PPP2R5C: variants seen among roughly 807,000 people sequenced by gnomAD.
PPP2R5C encodes serine/threonine-protein phosphatase 2A 56 kDa regulatory subunit gamma isoform.
PPP2R5C carries 7 observed loss-of-function variants against 68.9 expected under a neutral mutation model. That is an observed-to-expected ratio of 0.10 (90% CI 0.06 to 0.19). PPP2R5C has a LOEUF of 0.19. PPP2R5C is among the 10% of genes least tolerant of loss of function. The probability of loss-of-function intolerance (pLI) is 1.00; values close to 1 mark genes in which losing one functional copy is unlikely to be tolerated. For missense variants in PPP2R5C, 348 were observed against 641.3 expected, an observed-to-expected ratio of 0.54 and a Z score of 4.94; for synonymous variants, 210 against 222.2, an observed-to-expected ratio of 0.95 and a Z score of 0.49.
chr14:101,818,862 G>T, intron 1 of PPP2R5C: 1 of 675,266 alleles, frequency 1.5e-6, no homozygotes, highest in Non-Finnish European at 2.5e-6. Context: ...TTTTCAGTTT[G>T]TCATCGATGT....
chr14:101,894,864 A>G (rs1238528001), intron 8 of PPP2R5C, among the ~76,000 whole-genome samples: 1 of 152,338 alleles, frequency 6.6e-6, no homozygotes, highest in East Asian at 1.9e-4. Flanking sequence ...TTAGTGTGCA[A>G]TTCAGTAGTT....
At chr14:101,856,288 C>A (rs113678856) in intron 1 of PPP2R5C, among the ~76,000 whole-genome samples, 1 of 152,218 alleles carries the variant, frequency 6.6e-6, no homozygotes, top group African/African-American at 2.4e-5. Context: ...GCAGATATCA[C>A]CTGGTGTCAA....
chr14:101,843,153 A>G (rs1309429782), intron 1 of PPP2R5C, among the ~76,000 whole-genome samples: 1 of 152,174 alleles, frequency 6.6e-6, no homozygotes, highest in Admixed American at 6.5e-5. Flanking sequence ...GCTTGAGCCC[A>G]GGAAGTTGAG....
At chr14:101,865,172 A>G (rs575218038) in intron 2 of PPP2R5C, among the ~76,000 whole-genome samples, 2 of 152,224 alleles carry the variant, frequency 1.3e-5, no homozygotes, top group African/African-American at 2.4e-5. Flanking sequence ...TGCTAACATT[A>G]TTTAGAGCTC....
intron 2 of PPP2R5C, among the ~76,000 whole-genome samples, chr14:101,868,892 ACAGTTT>A (rs1262088876): frequency 3.9e-5 from 6 of 152,070 alleles, no homozygotes; most frequent in African/African-American, 1.4e-4. Flanking sequence ...AGGATATAGA[ACAGTTT>A]CTTTTGGTTT....
At chr14:101,887,694 G>A (rs966271031) in intron 5 of PPP2R5C, among the ~76,000 whole-genome samples, 1 of 152,234 alleles carries the variant, frequency 6.6e-6, no homozygotes, top group Non-Finnish European at 1.5e-5. Flanking sequence ...TGGAACTGGT[G>A]CAGAGTGACT....
upstream of PPP2R5C, among the ~76,000 whole-genome samples, chr14:101,805,771 G>A (rs1283199147): frequency 3.3e-5 from 5 of 152,186 alleles, no homozygotes. Flanking sequence ...TGAATCTTGC[G>A]GACATTATGC....
At chr14:101,901,513 A>C (rs960143856) in intron 8 of PPP2R5C, among the ~76,000 whole-genome samples, 3 of 152,208 alleles carry the variant, frequency 2.0e-5, no homozygotes, top group Non-Finnish European at 4.4e-5. Context: ...GATTGATCAG[A>C]TAGATAACCA....
In PPP2R5C at chr14:101,881,685, G is replaced by A. The variant is rs184170417; in HGVS notation, c.295-476G>A. Among the ~76,000 whole-genome samples, 329 of 152,348 alleles carry A rather than the reference G, an allele frequency of 2.2e-3. 2 individuals are homozygous for A. The highest frequency in any genetic ancestry group is 7.4e-3 in the African/African-American group (306 of 41,570). ...GTTGCTTTCCTCATCGTTGCGGATTGCAGAGGATGTTGGTGCCATTGTCAC... is the reference window on the plus strand; with the variant it reads ...GTTGCTTTCCTCATCGTTGCGGATTACAGAGGATGTTGGTGCCATTGTCAC... On this transcript the variant is annotated intron_variant, in intron 2 of 13. Transcript: ENST00000334743.
chr14:101,830,236 A>G (rs2040655538), intron 1 of PPP2R5C, among the ~76,000 whole-genome samples: 1 of 152,338 alleles, frequency 6.6e-6, no homozygotes, highest in Middle Eastern at 3.4e-3. Flanking sequence ...GGTTCCTGTT[A>G]CCAACTCATG....
chr14:101,855,494 T>C (rs2042367560), intron 1 of PPP2R5C, among the ~76,000 whole-genome samples: 1 of 152,242 alleles, frequency 6.6e-6, no homozygotes, highest in East Asian at 1.9e-4. Context: ...ACTATATCAG[T>C]AAAAGCCGTC....
At chr14:101,867,965 G>C (rs1296574546) in intron 2 of PPP2R5C, among the ~76,000 whole-genome samples, 1 of 152,132 alleles carries the variant, frequency 6.6e-6, no homozygotes, top group Non-Finnish European at 1.5e-5. Flanking sequence ...GTGTTCTTAG[G>C]ATCTGTTGGC....
chr14:101,845,131 C>T (rs1358797144), intron 1 of PPP2R5C, among the ~76,000 whole-genome samples: 2 of 140,608 alleles, frequency 1.4e-5, no homozygotes, highest in African/African-American at 5.6e-5. Flanking sequence ...CTCAACCTTT[C>T]CCTGTTTAAA....
intron 1 of PPP2R5C, among the ~76,000 whole-genome samples, chr14:101,846,065 G>A (rs1023885119): frequency 5.3e-5 from 8 of 152,170 alleles, no homozygotes; most frequent in Non-Finnish European, 1.0e-4. Context: ...CCACCTCTCC[G>A]GGTTTCTCAT....
At chr14:101,919,969 C>CCAAA (rs775818748) in intron 13 of PPP2R5C, among the ~76,000 whole-genome samples, 47 of 52,854 alleles carry the variant, frequency 8.9e-4, no homozygotes, top group African/African-American at 2.9e-3. Context: ...AACTCCGTCT[C>CCAAA]AAAAAAAAAA....
At chr14:101,816,651 A>G (rs1213343741) in intron 1 of PPP2R5C, among the ~76,000 whole-genome samples, 2 of 151,776 alleles carry the variant, frequency 1.3e-5, no homozygotes, top group East Asian at 3.9e-4. Flanking sequence ...GACTTTTCTT[A>G]TTCTTAGGGA....
At chr14:101,905,502 T>C (rs751459626) in intron 9 of PPP2R5C, among the ~76,000 whole-genome samples, 8 of 146,770 alleles carry the variant, frequency 5.5e-5, no homozygotes, top group Non-Finnish European at 1.0e-4. Flanking sequence ...CCACTAAAAA[T>C]ACAAAAAAGC....
intron 1 of PPP2R5C, among the ~76,000 whole-genome samples, chr14:101,833,672 A>G (rs2040898970): frequency 6.6e-6 from 1 of 152,196 alleles, no homozygotes; most frequent in Admixed American, 6.5e-5. Context: ...ACCCCCAGCC[A>G]GATGAATTGC....
At chr14:101,890,191 A>G in intron 5 of PPP2R5C, 46 bp from the exon 8 acceptor site, 2 of 1,513,638 alleles carry the variant, frequency 1.3e-6, no homozygotes, top group Non-Finnish European at 1.8e-6. Context: ...TTTCTTATTC[A>G]GGTTAGTTCA....
Sources: gnomAD v4.1 joint callset for allele counts (sites outside exome capture counted in the v4.1 genomes callset) on GRCh38, gnomAD v4.1.1 for gene constraint, MANE v1.5 for transcripts, NCBI Gene and HGNC (gene_info 2026-07-23, HGNC 2026-07-21) for gene names.